Variants in NPAS3 observed in about 807,000 individuals in gnomAD.
NPAS3 encodes the protein neuronal PAS domain protein 3, also known as neuronal PAS domain-containing protein 3.
A neutral mutation model predicts 73.1 loss-of-function variants in NPAS3; 14 were observed. The ratio of observed to expected loss-of-function variants is 0.19; its 90% CI spans 0.13 to 0.30. The LOEUF (loss-of-function observed/expected upper bound fraction) is 0.30. Ranked by LOEUF, NPAS3 falls within the 10% of genes least tolerant of loss-of-function variation. The pLI is 1.00. For missense variants in NPAS3, 1,096 were observed against 1,250.0 expected, an observed-to-expected ratio of 0.88 and a Z score of 1.86; for synonymous variants, 620 against 541.5, an observed-to-expected ratio of 1.14 and a Z score of -2.01.
At chr14:33,698,099 C>T (rs940620112) in intron 6 of NPAS3, among the ~76,000 whole-genome samples, 1 of 152,042 alleles carries the variant, frequency 6.6e-6, no homozygotes, top group Non-Finnish European at 1.5e-5. Flanking sequence ...GTGAAGAGCT[C>T]ACATGCAGAC....
chr14:33,746,363 G>GT (rs1458688740), intron 7 of NPAS3, among the ~76,000 whole-genome samples: 1 of 151,114 alleles, frequency 6.6e-6, no homozygotes, highest in East Asian at 2.0e-4. Flanking sequence ...TAGTTTTTGT[G>GT]TTTTTAGTAG....
intron 4 of NPAS3, among the ~76,000 whole-genome samples, chr14:33,411,421 G>C (rs577588566): frequency 6.6e-6 from 1 of 152,172 alleles, no homozygotes; most frequent in Non-Finnish European, 1.5e-5. Context: ...GACCTCAGGT[G>C]ATCCACCTGC....
chr14:33,215,351 A>C (rs770578623), exon 3 of NPAS3: 6 of 1,605,484 alleles, frequency 3.7e-6, no homozygotes, highest in Non-Finnish European at 5.1e-6. Context: ...TCTGAAAATG[A>C]GGGACTTTGC....
intron 1 of NPAS3, among the ~76,000 whole-genome samples, chr14:33,026,609 G>T (rs900969003): frequency 1.3e-5 from 2 of 151,954 alleles, no homozygotes; most frequent in Non-Finnish European, 2.9e-5. Context: ...AGCTAAGGAG[G>T]AATCAAGATC....
chr14:33,064,621 C>G (rs1359606399), intron 2 of NPAS3, among the ~76,000 whole-genome samples: 2 of 152,140 alleles, frequency 1.3e-5, no homozygotes, highest in African/African-American at 2.4e-5. Context: ...TTAGTTACCT[C>G]ATGACGTTTA....
chr14:33,366,266 T>C (rs963438571), intron 3 of NPAS3, among the ~76,000 whole-genome samples: 2 of 152,026 alleles, frequency 1.3e-5, no homozygotes, highest in Non-Finnish European at 2.9e-5. Flanking sequence ...CCATTAAATT[T>C]TTTTAAAAAA....
intron 5 of NPAS3, among the ~76,000 whole-genome samples, chr14:33,655,091 G>GTAGA (rs1301168429): frequency 6.6e-6 from 1 of 152,200 alleles, no homozygotes; most frequent in African/African-American, 2.4e-5. Context: ...AAGAAGCAGA[G>GTAGA]TAGATAGATC....
intron 4 of NPAS3, among the ~76,000 whole-genome samples, chr14:33,534,358 G>T (rs1203379029): frequency 3.9e-5 from 6 of 152,104 alleles, no homozygotes; most frequent in Non-Finnish European, 7.4e-5. Context: ...TACTCTCTTG[G>T]ATCCCATCCT....
At chr14:33,445,932 CTT>C (rs386381059) in intron 4 of NPAS3, among the ~76,000 whole-genome samples, 231 of 134,386 alleles carry the variant, frequency 1.7e-3, no homozygotes, top group African/African-American at 6.1e-3. Flanking sequence ...GAGTGTTGCA[CTT>C]TTTTTTTTTT....
At chr14:33,301,774 C>G (rs1414617888) in intron 3 of NPAS3, among the ~76,000 whole-genome samples, 6 of 152,120 alleles carry the variant, frequency 3.9e-5, no homozygotes, top group Non-Finnish European at 8.8e-5. Context: ...GTACTGGTAA[C>G]ACACAGAGAA....
At chr14:33,414,255 C>A (rs559641770) in intron 4 of NPAS3, among the ~76,000 whole-genome samples, 10 of 152,140 alleles carry the variant, frequency 6.6e-5, no homozygotes, top group Non-Finnish European at 1.5e-4. Context: ...CCTCCTCCCC[C>A]CACTGTGAGT....
At chr14:33,457,969 G>A (rs1021634350) in intron 4 of NPAS3, among the ~76,000 whole-genome samples, 17 of 152,170 alleles carry the variant, frequency 1.1e-4, no homozygotes, top group South Asian at 2.1e-4. Context: ...AGTGGAAACC[G>A]CGACAGGTTC....
intron 1 of NPAS3, among the ~76,000 whole-genome samples, chr14:33,017,001 C>G (rs1437588642): frequency 6.6e-6 from 1 of 152,082 alleles, no homozygotes; most frequent in African/African-American, 2.4e-5. Flanking sequence ...AAGGGCAGCA[C>G]AAGCATAACT....
At chr14:33,104,323 A>ATGCTGC (rs2042660420) in intron 2 of NPAS3, among the ~76,000 whole-genome samples, 1 of 152,100 alleles carries the variant, frequency 6.6e-6, no homozygotes, top group African/African-American at 2.4e-5. Flanking sequence ...TTTTCTTTTC[A>ATGCTGC]TGCTGCTTCT....
chr14:33,004,836 T>TTTTTTTTTTA, intron 1 of NPAS3, among the ~76,000 whole-genome samples: 1 of 136,438 alleles, frequency 7.3e-6, no homozygotes, highest in Non-Finnish European at 1.6e-5. Context: ...TTTTTTTTTT[T>TTTTTTTTTTA]AGTTTTAAAA....
At chr14:33,664,391 C>T (rs2059393774) in intron 5 of NPAS3, among the ~76,000 whole-genome samples, 1 of 152,124 alleles carries the variant, frequency 6.6e-6, no homozygotes, top group Non-Finnish European at 1.5e-5. Flanking sequence ...AAGACTTAAA[C>T]ATAAGACCTA....
intron 4 of NPAS3, among the ~76,000 whole-genome samples, chr14:33,396,569 C>G (rs1264007885): frequency 6.6e-6 from 1 of 152,128 alleles, no homozygotes; most frequent in Non-Finnish European, 1.5e-5. Flanking sequence ...AAAATCCTCA[C>G]TATTCCTGGC....
intron 3 of NPAS3, among the ~76,000 whole-genome samples, chr14:33,330,787 C>G (rs1238529107): frequency 6.6e-6 from 1 of 152,098 alleles, no homozygotes; most frequent in Non-Finnish European, 1.5e-5. Flanking sequence ...TTCAAAGAGT[C>G]TGTTTTTCTT....
intron 4 of NPAS3, among the ~76,000 whole-genome samples, chr14:33,513,677 A>G (rs1324439350): frequency 3.3e-5 from 5 of 152,046 alleles, no homozygotes; most frequent in Non-Finnish European, 5.9e-5. Flanking sequence ...CCAAGGGAGT[A>G]AGAAGGATTA....
Sources: allele counts gnomAD v4.1 joint callset (sites outside exome capture counted in the v4.1 genomes callset), GRCh38; gene constraint gnomAD v4.1.1; transcripts MANE v1.5; gene names NCBI Gene and HGNC (gene_info 2026-07-23, HGNC 2026-07-21).